Variants in CNTN6 observed in about 807,000 individuals in gnomAD.
The protein encoded by CNTN6 is contactin-6.
In CNTN6, 137 loss-of-function variants were observed where a neutral mutation model predicts 122.8. The observed-to-expected ratio is 1.12, with a 90% CI of 0.97 to 1.29. The LOEUF is 1.29. Among genes scored for constraint, CNTN6 ranks in the 50% most tolerant of loss-of-function variants. CNTN6 has a pLI of 0.00. For synonymous variants in CNTN6, 570 were observed against 426.0 expected (o/e 1.34, Z -4.16); for missense variants, 1,634 against 1,223.4 (o/e 1.34, Z -5.01).
chr3:1,107,174 A>G (rs1233352774), intron 1 of CNTN6, among the ~76,000 whole-genome samples: 1 of 152,142 alleles, frequency 6.6e-6, no homozygotes, highest in Admixed American at 6.6e-5. Context: ...AGCCTAGTCA[A>G]GTTGACACAT....
At chr3:1,362,369 T>G (rs1448444661) in intron 12 of CNTN6, among the ~76,000 whole-genome samples, 1 of 152,080 alleles carries the variant, frequency 6.6e-6, no homozygotes, top group Non-Finnish European at 1.5e-5. Context: ...ATAGAAATAT[T>G]GAAGTTCTCA....
At chr3:1,370,991 T>C (rs1478163933) in intron 12 of CNTN6, among the ~76,000 whole-genome samples, 1 of 152,128 alleles carries the variant, frequency 6.6e-6, no homozygotes, top group Non-Finnish European at 1.5e-5. Flanking sequence ...AACTATAGCG[T>C]GTGTTTTTAT....
At chr3:1,254,017 C>A (rs991119973) in intron 4 of CNTN6, among the ~76,000 whole-genome samples, 1 of 152,140 alleles carries the variant, frequency 6.6e-6, no homozygotes, top group Non-Finnish European at 1.5e-5. Context: ...TAGTAACCGA[C>A]ATTTTTCTTT....
At chr3:1,252,338 AG>A (rs1471447747) in intron 4 of CNTN6, among the ~76,000 whole-genome samples, 1 of 152,152 alleles carries the variant, frequency 6.6e-6, no homozygotes, top group East Asian at 1.9e-4. Flanking sequence ...TTTTCTGCTT[AG>A]TAGTTACCAG....
chr3:1,261,254 C>G (rs561120458), intron 4 of CNTN6, among the ~76,000 whole-genome samples: 23 of 152,188 alleles, frequency 1.5e-4, no homozygotes, highest in Admixed American at 7.9e-4. Flanking sequence ...AAGACATGGA[C>G]TATGTAGTGT....
At chr3:1,231,639 C>A (rs1184224308) in intron 4 of CNTN6, among the ~76,000 whole-genome samples, 1 of 152,236 alleles carries the variant, frequency 6.6e-6, no homozygotes, top group Non-Finnish European at 1.5e-5. Flanking sequence ...TAAATCAAAT[C>A]TGTCTTTAAC....
chr3:1,307,337 G>T (rs983458492), intron 7 of CNTN6, among the ~76,000 whole-genome samples: 23 of 152,188 alleles, frequency 1.5e-4, no homozygotes, highest in Middle Eastern at 3.4e-3. Context: ...AGGGTTTCTT[G>T]TATTTCTGAG....
chr3:1,113,668 T>A (rs1456873335), intron 1 of CNTN6, among the ~76,000 whole-genome samples: 1 of 152,164 alleles, frequency 6.6e-6, no homozygotes, highest in Non-Finnish European at 1.5e-5. Context: ...TGTTATATGT[T>A]TAAGGGGATG....
At chr3:1,399,667 T>C (rs1331003183) in intron 20 of CNTN6, among the ~76,000 whole-genome samples, 1 of 152,048 alleles carries the variant, frequency 6.6e-6, no homozygotes, top group Non-Finnish European at 1.5e-5. Flanking sequence ...GCATAATCAA[T>C]ACAGCCTGAG....
chr3:1,301,739 G>A (rs369003725), intron 7 of CNTN6, among the ~76,000 whole-genome samples: 2 of 152,026 alleles, frequency 1.3e-5, no homozygotes, highest in Admixed American at 6.5e-5. Flanking sequence ...AAGCGGTAGC[G>A]TTAAGATGCC....
intron 12 of CNTN6, among the ~76,000 whole-genome samples, chr3:1,370,910 T>A (rs1708922678): frequency 6.6e-6 from 1 of 152,022 alleles, no homozygotes; most frequent in Non-Finnish European, 1.5e-5. Flanking sequence ...GGAAAGTATT[T>A]TAAATAATAA....
intron 4 of CNTN6, among the ~76,000 whole-genome samples, chr3:1,262,763 A>G (rs2094867273): frequency 6.6e-6 from 1 of 152,128 alleles, no homozygotes. Context: ...TTTTTTGAAC[A>G]TTTCTGGGAT....
At chr3:1,320,908 G>C in intron 7 of CNTN6, among the ~76,000 whole-genome samples, 1 of 151,600 alleles carries the variant, frequency 6.6e-6, no homozygotes, top group East Asian at 1.9e-4. Flanking sequence ...ATAGATATGA[G>C]AAAGTAGACG....
intron 20 of CNTN6, among the ~76,000 whole-genome samples, chr3:1,392,296 G>C (rs1172960593): frequency 6.6e-6 from 1 of 152,106 alleles, no homozygotes; most frequent in Non-Finnish European, 1.5e-5. Context: ...AGAAAAACAA[G>C]CAATGGGGAA....
At chr3:1,260,090 A>C (rs1224303079) in intron 4 of CNTN6, among the ~76,000 whole-genome samples, 2 of 152,090 alleles carry the variant, frequency 1.3e-5, no homozygotes, top group Admixed American at 6.6e-5. Flanking sequence ...GATCCTGTCT[A>C]TTTCTTTTAG....
chr3:1,132,755 A>ACTT (rs548875172), intron 1 of CNTN6, among the ~76,000 whole-genome samples: 188 of 152,176 alleles, frequency 1.2e-3, no homozygotes, highest in African/African-American at 3.9e-3. Flanking sequence ...AAAGAATTTC[A>ACTT]CTTCTTTCCC....
intron 1 of CNTN6, among the ~76,000 whole-genome samples, chr3:1,097,550 G>A (rs2090596754): frequency 6.6e-6 from 1 of 152,158 alleles, no homozygotes; most frequent in Non-Finnish European, 1.5e-5. Context: ...GATTCAGGAG[G>A]CAAGCTCTTG....
intron 2 of CNTN6, among the ~76,000 whole-genome samples, chr3:1,198,544 G>T (rs1343172681): frequency 6.6e-6 from 1 of 152,074 alleles, no homozygotes; most frequent in Non-Finnish European, 1.5e-5. Context: ...CCAACATGGT[G>T]AAACCCGATC....
Position 1,340,194 on chromosome 3 carries a change from C to T in CNTN6, c.1364+10259C>T, listed in dbSNP as rs535679079. Among the ~76,000 whole-genome samples the T allele has an allele frequency of 3.4e-4, 52 of 152,254 alleles. 1 individual carries two copies. The highest frequency in any genetic ancestry group is 5.2e-4 in the Admixed American group (8 of 15,270). ...AAGCCTTGTATAATCTTAAACACAA[C>T]ACTGCAGGATTTTAATGAGATTTCT... On this transcript the variant is annotated intron_variant, in intron 11 of 22. Transcript: ENST00000446702.
Sources: allele counts gnomAD v4.1 joint callset (sites outside exome capture counted in the v4.1 genomes callset), GRCh38; gene constraint gnomAD v4.1.1; transcripts MANE v1.5; gene names NCBI Gene and HGNC (gene_info 2026-07-23, HGNC 2026-07-21).